DCUN1D4: variants seen among roughly 807,000 people sequenced by gnomAD.
The protein encoded by DCUN1D4 is DCN1-like protein 4.
A neutral mutation model predicts 47.9 loss-of-function variants in DCUN1D4; 22 were observed. The observed-to-expected ratio is 0.46, with a 90% confidence interval of 0.33 to 0.66. The LOEUF (loss-of-function observed/expected upper bound fraction) is 0.66, where lower values mean the gene tolerates loss of function less well. Ranked by LOEUF, DCUN1D4 falls within the 30% of genes least tolerant of loss-of-function variation. The probability of loss-of-function intolerance (pLI) is 0.02; values close to 1 mark genes in which losing one functional copy is unlikely to be tolerated. For missense variants in DCUN1D4, 301 were observed against 340.8 expected, an observed-to-expected ratio of 0.88 and a Z score of 0.92; for synonymous variants, 121 against 112.2, an observed-to-expected ratio of 1.08 and a Z score of -0.50.
chr4:51,906,818 T>C (rs6812882), intron 8 of DCUN1D4, among the ~76,000 whole-genome samples: 65,525 of 152,078 alleles, frequency 0.43, 17,319 homozygotes, highest in African/African-American at 0.75. Flanking sequence ...TCTCTCTTCC[T>C]TCCTTACTTC....
At chr4:51,902,032 T>G (rs1271370872) in intron 8 of DCUN1D4, among the ~76,000 whole-genome samples, 1 of 152,216 alleles carries the variant, frequency 6.6e-6, no homozygotes, top group East Asian at 1.9e-4. Context: ...CTAGTTCACC[T>G]TGTGAATTCT....
At chr4:51,891,186 C>G (rs1307857052) in intron 6 of DCUN1D4, among the ~76,000 whole-genome samples, 2 of 152,266 alleles carry the variant, frequency 1.3e-5, no homozygotes, top group Admixed American at 6.5e-5. Context: ...TGTTCTACAC[C>G]TTGCTGTTTC....
rs1159232491 is a variant in DCUN1D4, at chr4:51,916,605, A to G, written c.*3021A>G. The G allele has an allele frequency of 6.6e-6, 1 of 152,548 alleles. No individual in the cohort carries two copies. Among genetic ancestry groups the G allele is most frequent in the African/African-American group, 2.4e-5 (1 of 41,444 alleles). The allele number at this position is 152,548 out of a possible 1,614,324, so 9.4% of individuals were successfully genotyped here. On this transcript the variant is annotated 3_prime_UTR_variant, in exon 11 of 11. Transcript: ENST00000334635. ...CGTGGGTTGCTTTTTTCATAAAATA[A>G]TTTCTATTGGGGGTTACTGTTCAAT...
chr4:51,907,480 G>A (rs181775082), intron 8 of DCUN1D4, among the ~76,000 whole-genome samples: 28 of 152,182 alleles, frequency 1.8e-4, no homozygotes, highest in Admixed American at 1.8e-3. Context: ...TTTTTCCTGT[G>A]GCCTCAATTG....
chr4:51,888,833 G>A (rs1486649939), intron 6 of DCUN1D4, among the ~76,000 whole-genome samples: 1 of 151,152 alleles, frequency 6.6e-6, no homozygotes, highest in East Asian at 2.0e-4. Flanking sequence ...TAGGCCAGGC[G>A]TGGTGGCTCA....
chr4:51,911,014 T>C, intron 8 of DCUN1D4, 56 bp from the exon 9 acceptor site: 1 of 1,517,694 alleles, frequency 6.6e-7, no homozygotes, highest in South Asian at 1.1e-5. Flanking sequence ...TTTGCAATTA[T>C]TGGAATTTAT....
chr4:51,861,766 A>G (rs1414022039), intron 1 of DCUN1D4, among the ~76,000 whole-genome samples: 1 of 152,026 alleles, frequency 6.6e-6, no homozygotes, highest in East Asian at 1.9e-4. Context: ...GTCTTCCTAT[A>G]TTTAATCTGA....
At chr4:51,888,554 A>G (rs563978339) in intron 6 of DCUN1D4, among the ~76,000 whole-genome samples, 1 of 151,568 alleles carries the variant, frequency 6.6e-6, no homozygotes, top group East Asian at 2.0e-4. Context: ...CAGCCTGGCC[A>G]ATAAGGCGAA....
At position 51,914,819 on chromosome 4, in the gene DCUN1D4, A is replaced by G. The variant is rs1446643400; in HGVS notation, c.*1235A>G. The G allele has an allele frequency of 9.3e-6, 1 of 108,028 alleles. No homozygotes were observed. The highest frequency in any genetic ancestry group is 1.9e-5 in the Non-Finnish European group (1 of 53,738). 6.7% of individuals were successfully genotyped at this position (108,028 alleles called of 1,614,324 possible). ...AATGGTATTTTTAGGTTTGTATTTT[A>G]TGTCTTTTTTTTTTTTTTTTTTTGC... On this transcript the variant is annotated 3_prime_UTR_variant, in exon 11 of 11. Coordinates refer to ENST00000334635, the MANE Select transcript of DCUN1D4 (RefSeq NM_001040402.3).
At chr4:51,903,070 T>C (rs1341151084) in intron 8 of DCUN1D4, among the ~76,000 whole-genome samples, 2 of 152,198 alleles carry the variant, frequency 1.3e-5, no homozygotes, top group East Asian at 1.9e-4. Flanking sequence ...TTGCTTTAAA[T>C]TGGCAAAAAT....
chr4:51,875,948 T>C (rs1727608083), intron 4 of DCUN1D4, among the ~76,000 whole-genome samples: 1 of 152,162 alleles, frequency 6.6e-6, no homozygotes, highest in Admixed American at 6.5e-5. Flanking sequence ...TCATATCTAT[T>C]TGAACACTTG....
At chr4:51,876,241 A>G (rs1727647280) in intron 4 of DCUN1D4, among the ~76,000 whole-genome samples, 1 of 152,220 alleles carries the variant, frequency 6.6e-6, no homozygotes, top group South Asian at 2.1e-4. Flanking sequence ...GCAGCCATAA[A>G]AAATGATGAG....
chr4:51,882,977 GATGA>G (rs1278636266), intron 5 of DCUN1D4, among the ~76,000 whole-genome samples: 1 of 152,008 alleles, frequency 6.6e-6, no homozygotes, highest in Non-Finnish European at 1.5e-5. Context: ...AATAGGAATA[GATGA>G]ATATTTCCTT....
chr4:51,901,756 ACT>A (rs1228558947), intron 8 of DCUN1D4, among the ~76,000 whole-genome samples: 8 of 152,198 alleles, frequency 5.3e-5, no homozygotes, highest in African/African-American at 1.7e-4. Flanking sequence ...AGATTGAGGG[ACT>A]CTGTAATTTC....
intron 9 of DCUN1D4, among the ~76,000 whole-genome samples, chr4:51,911,861 C>T (rs1198995033): frequency 2.0e-5 from 3 of 152,126 alleles, no homozygotes; most frequent in African/African-American, 7.2e-5. Flanking sequence ...ATGGCATCCT[C>T]CTTTCCCTCC....
chr4:51,889,882 C>T lies in DCUN1D4; in HGVS notation c.415-1878C>T, dbSNP rs1218298070. Among the ~76,000 whole-genome samples the T allele has an allele frequency of 2.6e-5, 4 of 152,128 alleles. No homozygotes were observed. In the East Asian group the frequency reaches 5.8e-4, roughly 22 times the overall value. ...CTTTAACCTATTTAACAATCATTGC[C>T]TTTTAAGCAGTCATTACTAATCAGT... On this transcript the variant is annotated intron_variant, in intron 6 of 10. Coordinates refer to ENST00000334635, the MANE Select transcript of DCUN1D4 (RefSeq NM_001040402.3).
intron 1 of DCUN1D4, among the ~76,000 whole-genome samples, chr4:51,862,848 GA>G (rs1245257772): frequency 2.7e-4 from 38 of 142,414 alleles, no homozygotes; most frequent in Admixed American, 2.8e-4. Context: ...GTCTCTACAA[GA>G]AAAAAAAAAA....
At chr4:51,858,569 C>T (rs1309882361) in intron 1 of DCUN1D4, among the ~76,000 whole-genome samples, 2 of 152,210 alleles carry the variant, frequency 1.3e-5, no homozygotes, top group Non-Finnish European at 2.9e-5. Flanking sequence ...TACATGCTGA[C>T]CAGTTGCCCC....
At chr4:51,842,655 C>G (rs2109765350), upstream of DCUN1D4, among the ~76,000 whole-genome samples, 1 of 152,346 alleles carries the variant, frequency 6.6e-6, no homozygotes, top group Middle Eastern at 3.4e-3. Context: ...GGAGACCCGG[C>G]CGCGTCGCGC....
Sources: allele counts gnomAD v4.1 joint callset (sites outside exome capture counted in the v4.1 genomes callset), GRCh38; gene constraint gnomAD v4.1.1; transcripts MANE v1.5; gene names NCBI Gene and HGNC (gene_info 2026-07-23, HGNC 2026-07-21).